The following YIF1B variants were observed in gnomAD, a reference collection of about 807,000 sequenced individuals.
YIF1B encodes the protein Yip1 interacting factor homolog B, membrane trafficking protein, also known as protein YIF1B.
YIF1B carries 24 observed loss-of-function variants against 34.6 expected under a neutral mutation model. The ratio of observed to expected loss-of-function variants is 0.69; its 90% CI spans 0.50 to 0.98. The LOEUF (loss-of-function observed/expected upper bound fraction) is 0.98. Ranked by LOEUF, YIF1B falls within the 50% of genes least tolerant of loss-of-function variation. The pLI is 0.00. For synonymous variants in YIF1B, 186 were observed against 184.8 expected, an observed-to-expected ratio of 1.01 and a Z score of -0.05; for missense variants, 368 against 429.4, an observed-to-expected ratio of 0.86 and a Z score of 1.26.
chr19:38,317,102 C>T (rs759637435), upstream of YIF1B: 1 of 152,274 alleles, frequency 6.6e-6, no homozygotes, highest in Non-Finnish European at 1.5e-5. Flanking sequence ...TTCCCTCTGT[C>T]CACCAAAAGC....
Position 38,304,781 on chromosome 19 carries a change from C to A in YIF1B, c.*571G>T. The A allele has an allele frequency of 1.2e-6, 2 of 1,612,156 alleles. No individual in the cohort carries two copies. The highest frequency in any genetic ancestry group is 1.7e-5 in the Admixed American group (1 of 60,002). The stretch of plus-strand genomic sequence containing the variant: ...TGGCGGGGAGGGTGCGGGGAGTGGT[C>A]CCCCTGTCTCGCTTCCAGCCCAGAA... On this transcript the variant is annotated 3_prime_UTR_variant, in exon 8 of 8. Transcript: ENST00000339413.
chr19:38,306,248 G>A (rs891655096), intron 7 of YIF1B, among the ~76,000 whole-genome samples: 2 of 141,130 alleles, frequency 1.4e-5, no homozygotes, highest in African/African-American at 5.2e-5. Context: ...GTCTCACCCT[G>A]TCCGCCAGGC....
At chr19:38,311,180 G>A (rs369983602) in intron 1 of YIF1B, among the ~76,000 whole-genome samples, 66 of 152,060 alleles carry the variant, frequency 4.3e-4, no homozygotes, top group African/African-American at 1.1e-3. Flanking sequence ...CCAGCTACTC[G>A]GGAGGCCAAG....
At chr19:38,314,640 T>C (rs1239823172) in intron 1 of YIF1B, among the ~76,000 whole-genome samples, 1 of 145,956 alleles carries the variant, frequency 6.9e-6, no homozygotes, top group Non-Finnish European at 1.5e-5. Flanking sequence ...TTTTTTTTTT[T>C]TGAGGCGAAG....
intron 1 of YIF1B, 23 bp downstream of exon 1, chr19:38,315,837 G>A (rs776305526): frequency 1.5e-6 from 2 of 1,302,794 alleles, no homozygotes; most frequent in East Asian, 4.7e-5. Context: ...CCGCCCGCCC[G>A]ATCTCCTCCG....
rs1002897851 is a variant in YIF1B, at chr19:38,303,679, T to C, written c.*1673A>G. On this transcript the variant is annotated 3_prime_UTR_variant, in exon 8 of 8. Coordinates refer to ENST00000339413, the MANE Select transcript of YIF1B (RefSeq NM_001039672.3). ...CTTTCACATCAATCCCATGGGTAGCTGTTATTTACAGATGAGGAAACTGAG... is the reference window on the plus strand; with the variant it reads ...CTTTCACATCAATCCCATGGGTAGCCGTTATTTACAGATGAGGAAACTGAG... Among the ~76,000 whole-genome samples the C allele has an allele frequency of 1.3e-5, 2 of 152,234 alleles. No individual in the cohort carries two copies. The highest frequency in any genetic ancestry group is 4.8e-5 in the African/African-American group (2 of 41,472).
intron 1 of YIF1B, among the ~76,000 whole-genome samples, chr19:38,311,967 C>T (rs962972023): frequency 1.9e-4 from 29 of 151,636 alleles, no homozygotes; most frequent in African/African-American, 6.8e-4. Context: ...CATGGTGGTG[C>T]GTGCCTGTAA....
Position 38,305,463 on chromosome 19 carries a change from C to G in YIF1B, c.834G>C (p.Glu278Asp). 3 of 1,609,050 alleles carry G rather than the reference C, an allele frequency of 1.9e-6. No homozygotes were observed. Among genetic ancestry groups the G allele is most frequent in the Non-Finnish European group, 2.5e-6 (3 of 1,177,280 alleles). Residue 278 changes from glutamate (E) to aspartate (D), a missense_variant, in exon 8 of 8, where the codon GAG (glutamate) becomes GAC (aspartate). Physicochemically the swap from Glu to Asp is conservative, Grantham distance 45. Around this residue, in one of 3 missense-constraint regions of YIF1B, gnomAD observed 208 missense variants for 247.8 expected, o/e 0.84. Coordinates refer to ENST00000339413, the MANE Select transcript of YIF1B (RefSeq NM_001039672.3). ...TCCGGGCCCCACGCACCGGGACCCC[C>G]TCAGCTGCTGCGTCTGCCAAGATCT... ...RLKILADAAA[E>D]GVPVRGARNQ...
chr19:38,303,974 TG>T lies in YIF1B; in HGVS notation c.*1377del, dbSNP rs983759367. Among the ~76,000 whole-genome samples the T allele has an allele frequency of 3.9e-5, 6 of 152,152 alleles. No individual in the cohort carries two copies. The highest frequency in any genetic ancestry group is 8.8e-5 in the Non-Finnish European group (6 of 68,006). On this transcript the variant is annotated 3_prime_UTR_variant, in exon 8 of 8. Coordinates refer to ENST00000339413, the MANE Select transcript of YIF1B (RefSeq NM_001039672.3). ...CTTCAAGAACGAGCATCTGAGCTTT[TG>T]GGGGAAACCTGTAGCTCCCCGAATG... is the stretch of plus-strand genomic sequence containing the variant.
chr19:38,315,511 C>CG, intron 1 of YIF1B: 3 of 1,403,670 alleles, frequency 2.1e-6, no homozygotes, highest in Non-Finnish European at 1.8e-6. Context: ...TCTGCGCTCC[C>CG]GGGGGGCCAC....
At chr19:38,308,917 C>T (rs1969182233) in intron 4 of YIF1B, 62 bp downstream of exon 4, 3 of 1,613,526 alleles carry the variant, frequency 1.9e-6, no homozygotes, top group Admixed American at 3.3e-5. Context: ...CAGGCACCCA[C>T]ACACCCGCTC....
At chr19:38,305,604 C>A (rs1275017116) in intron 7 of YIF1B, 97 bp from the exon 8 acceptor site, 12 of 1,435,028 alleles carry the variant, frequency 8.4e-6, no homozygotes, top group Non-Finnish European at 1.0e-5. Flanking sequence ...TGCCTAGAAG[C>A]CCCAGGCAGC....
upstream of YIF1B, chr19:38,320,239 CTCTTCTTCGCCAGCACGCTGAT>C: frequency 6.2e-7 from 1 of 1,606,160 alleles, no homozygotes; most frequent in Non-Finnish European, 8.5e-7. Context: ...CGCCTCTGCT[CTCTTCTTCGCCAGCACGCTGAT>C]CACCACCGTG....
intron 1 of YIF1B, among the ~76,000 whole-genome samples, chr19:38,314,342 A>C (rs1046196181): frequency 6.6e-6 from 1 of 151,218 alleles, no homozygotes; most frequent in Non-Finnish European, 1.5e-5. Context: ...CTACAGGCGC[A>C]CACCACCACG....
intron 5 of YIF1B, among the ~76,000 whole-genome samples, chr19:38,308,153 G>A (rs1224434424): frequency 2.0e-5 from 3 of 152,234 alleles, no homozygotes; most frequent in Admixed American, 2.0e-4. Flanking sequence ...AGAACAGGGC[G>A]ATGTGAGCAA....
upstream of YIF1B, among the ~76,000 whole-genome samples, chr19:38,318,489 G>T (rs1039054779): frequency 1.3e-5 from 2 of 152,068 alleles, no homozygotes; most frequent in Admixed American, 1.3e-4. Flanking sequence ...TTGCCATGTT[G>T]CCCGAGCTGG....
upstream of YIF1B, among the ~76,000 whole-genome samples, chr19:38,319,512 C>G (rs949524029): frequency 1.3e-5 from 2 of 152,216 alleles, no homozygotes; most frequent in African/African-American, 4.8e-5. Context: ...TTGCCCCTTG[C>G]TCCGTCAGCC....
intron 1 of YIF1B, among the ~76,000 whole-genome samples, chr19:38,314,925 A>G (rs1246205992): frequency 6.6e-6 from 1 of 151,828 alleles, no homozygotes; most frequent in Non-Finnish European, 1.5e-5. Context: ...CCCTCTCACT[A>G]CAAATCTCCT....
chr19:38,314,306 T>C (rs1224617843), intron 1 of YIF1B, among the ~76,000 whole-genome samples: 2 of 151,670 alleles, frequency 1.3e-5, no homozygotes, highest in Non-Finnish European at 2.9e-5. Flanking sequence ...GCAATTCTTC[T>C]GCTTCAGCCT....
Sources: gnomAD v4.1 joint callset for allele counts (sites outside exome capture counted in the v4.1 genomes callset) on GRCh38, gnomAD v4.1.1 for gene constraint, gnomAD v4.1.1 regional missense constraint, MANE v1.5 for transcripts, NCBI Gene and HGNC (gene_info 2026-07-23, HGNC 2026-07-21) for gene names.